The following TOP2B variants were observed in gnomAD, a reference collection of about 807,000 sequenced individuals.
TOP2B encodes the protein DNA topoisomerase II beta, also known as DNA topoisomerase 2-beta.
In TOP2B, 51 loss-of-function variants were observed where a neutral mutation model predicts 193.5. That is an observed-to-expected ratio of 0.26 (90% CI 0.21 to 0.33). The LOEUF (loss-of-function observed/expected upper bound fraction) is 0.33, where lower values mean the gene tolerates loss of function less well. TOP2B is among the 10% of genes least tolerant of loss of function. The pLI is 1.00. For missense variants in TOP2B, 1,378 were observed against 1,909.3 expected, an observed-to-expected ratio of 0.72 and a Z score of 5.19; for synonymous variants, 634 against 635.7, an observed-to-expected ratio of 1.00 and a Z score of 0.04.
rs376504098 is a variant in TOP2B, at chr3:25,652,768, C to G, written c.70-7298G>C. 4.0e-5 allele frequency among the ~76,000 whole-genome samples: 6 copies of G among 150,492 alleles called. No homozygotes were observed. In the East Asian group the frequency reaches 7.8e-4, roughly 20 times the overall value. On this transcript the variant is annotated intron_variant, in intron 1 of 35. Transcript: ENST00000264331. ...AAGAACTAGGAAAAGAGAAACTAAA[C>G]CAAATTAATGAAGGGAAATAAAGAT...
chr3:25,611,594 C>T (rs920078490), intron 28 of TOP2B, among the ~76,000 whole-genome samples: 9 of 152,156 alleles, frequency 5.9e-5, no homozygotes, highest in Non-Finnish European at 8.8e-5. Flanking sequence ...GACCAACATG[C>T]ACCCTGTTTC....
intron 1 of TOP2B, among the ~76,000 whole-genome samples, chr3:25,663,682 C>T (rs1703987127): frequency 6.6e-6 from 1 of 152,134 alleles, no homozygotes; most frequent in African/African-American, 2.4e-5. Flanking sequence ...AAAGTCATCC[C>T]CAATGCGCTC....
Position 25,598,088 on chromosome 3 carries a change from TCTA to T in TOP2B, c.*216_*218del. The T allele has an allele frequency of 2.6e-6, 1 of 378,818 alleles. No homozygotes were observed. The highest frequency in any genetic ancestry group is 4.7e-6 in the Non-Finnish European group (1 of 214,526). The allele number at this position is 378,818 out of a possible 1,614,324, so 23.5% of individuals were successfully genotyped here. A position where few individuals can be genotyped will look rare whatever the true frequency, so the allele number is the denominator to read the frequency against. On this transcript the variant is annotated 3_prime_UTR_variant, in exon 36 of 36. Transcript: ENST00000264331. ...CTAATGCACGGCAGTCTATAACAAT[TCTA>T]CAAGCCAATCAGACAGTACGTGACA... is the stretch of plus-strand genomic sequence containing the variant.
intron 25 of TOP2B, among the ~76,000 whole-genome samples, chr3:25,616,515 A>C (rs1702509207): frequency 6.6e-6 from 1 of 151,966 alleles, no homozygotes; most frequent in African/African-American, 2.4e-5. Context: ...AAAAATTAAA[A>C]CTGCAAAGCA....
chr3:25,603,609 A>C (rs1182513845), intron 33 of TOP2B, among the ~76,000 whole-genome samples: 9 of 152,132 alleles, frequency 5.9e-5, no homozygotes, highest in Non-Finnish European at 1.2e-4. Context: ...GATTTGGGCC[A>C]ATCTGCCTAA....
Position 25,623,530 on chromosome 3 carries a change from C to A in TOP2B, c.2712G>T (p.Leu904=). The A allele has an allele frequency of 6.2e-7, 1 of 1,613,760 alleles. No homozygotes were observed. Among genetic ancestry groups the A allele is most frequent in the Non-Finnish European group, 8.5e-7 (1 of 1,179,748 alleles). ...VNNVRRMLDG[L]DPHPMLPNYK... ...AAATAATTACCATGGGATGAGGATCCAGGCCATCTAGCATTCGTCTGACAT... is the reference window on the plus strand; with the variant it reads ...AAATAATTACCATGGGATGAGGATCAAGGCCATCTAGCATTCGTCTGACAT... The change falls in exon 21 of 36, where the codon CTG becomes CTT. Residue 904 remains leucine, a synonymous_variant. Transcript: ENST00000264331.
chr3:25,664,184 G>A, intron 1 of TOP2B, 45 bp downstream of exon 1: 1 of 1,537,200 alleles, frequency 6.5e-7, no homozygotes, highest in Non-Finnish European at 8.7e-7. Context: ...CCCCGCCGCG[G>A]GCCCGGAACA....
At chr3:25,635,671 G>A (rs1276519455) in intron 7 of TOP2B, among the ~76,000 whole-genome samples, 2 of 152,032 alleles carry the variant, frequency 1.3e-5, no homozygotes, top group Non-Finnish European at 2.9e-5. Flanking sequence ...AGTGGAAGTA[G>A]AGTGAATAAA....
chr3:25,609,716 C>T lies in TOP2B; in HGVS notation c.3787-4G>A, dbSNP rs2125351862. ...CTGCTGCAGTATCAAGATCACCCTA[C>T]ATAATAAAAAGAAAATCAAGCCACG... On this transcript the variant is annotated splice_region_variant and splice_polypyrimidine_tract_variant and intron_variant, in intron 28 of 35. Transcript: ENST00000264331. 7 of 1,435,490 alleles carry T rather than the reference C, an allele frequency of 4.9e-6. No individual in the cohort carries two copies. Among genetic ancestry groups the T allele is most frequent in the Middle Eastern group, 3.6e-4 (2 of 5,494 alleles). 88.9% of individuals were successfully genotyped at this position (1,435,490 alleles called of 1,614,324 possible).
chr3:25,618,093 A>G, intron 25 of TOP2B: 1 of 271,220 alleles, frequency 3.7e-6, no homozygotes, highest in Non-Finnish European at 7.0e-6. Flanking sequence ...GGTAATATAC[A>G]TGTACCTCAC....
chr3:25,627,800 T>C (rs1454888888), intron 15 of TOP2B, among the ~76,000 whole-genome samples: 14 of 151,802 alleles, frequency 9.2e-5, no homozygotes, highest in Non-Finnish European at 1.8e-4. Context: ...CCAAGCATGG[T>C]GGCTCATGCC....
At position 25,664,876 on chromosome 3, in the gene TOP2B, CT is replaced by C; in HGVS notation, c.-580del. Reference sequence around the variant, plus strand: ...CCGCCGCCGCCGCCGCCACGGTCACCTCCCTCTTGTCCGGCATAACACCGCA... The same window carrying C: ...CCGCCGCCGCCGCCGCCACGGTCACCCCCTCTTGTCCGGCATAACACCGCA... On this transcript the variant is annotated 5_prime_UTR_variant, in exon 1 of 36. It introduces an in-frame stop codon into an upstream open reading frame of the 5' UTR. Coordinates refer to ENST00000264331, the MANE Select transcript of TOP2B (RefSeq NM_001330700.2). 1.0e-6 allele frequency: 1 copy of C among 992,076 alleles called. No homozygotes were observed. The highest frequency in any genetic ancestry group is 1.2e-6 in the Non-Finnish European group (1 of 833,512). The allele number at this position is 992,076 out of a possible 1,614,324, so 61.5% of individuals were successfully genotyped here.
chr3:25,603,944 T>C (rs1702173946), intron 33 of TOP2B, among the ~76,000 whole-genome samples: 1 of 152,220 alleles, frequency 6.6e-6, no homozygotes, highest in African/African-American at 2.4e-5. Flanking sequence ...AGGCAGATAT[T>C]GCCCAATATG....
intron 1 of TOP2B, among the ~76,000 whole-genome samples, chr3:25,656,595 T>C (rs1703752862): frequency 6.6e-6 from 1 of 152,176 alleles, no homozygotes; most frequent in Admixed American, 6.5e-5. Flanking sequence ...AAATTTATAT[T>C]AGTAAAGATA....
chr3:25,629,853 G>A (rs993153474), intron 13 of TOP2B, among the ~76,000 whole-genome samples, 176 bp downstream of exon 13: 2 of 152,126 alleles, frequency 1.3e-5, no homozygotes, highest in African/African-American at 4.8e-5. Flanking sequence ...ATCAGACAAT[G>A]TAAAATGTGC....
intron 4 of TOP2B, among the ~76,000 whole-genome samples, chr3:25,640,165 A>G (rs1703216134): frequency 6.6e-6 from 1 of 152,208 alleles, no homozygotes; most frequent in South Asian, 2.1e-4. Flanking sequence ...AATAATACTA[A>G]TTCTATAGTA....
Position 25,601,189 on chromosome 3 carries a change from C to G in TOP2B, c.4526G>C (p.Arg1509Thr). Residue 1509 changes from arginine to threonine, a missense_variant, in exon 34 of 36, where the codon AGA becomes ACA. By Grantham distance (71) the Arg-to-Thr change is moderately conservative. Around this residue, in one of 9 missense-constraint regions of TOP2B, gnomAD observed 556 missense variants for 584.2 expected, o/e 0.95. Transcript: ENST00000264331. ...PSSDTVPKPK[R>T]APKQKKVVEA... ...TACTACTTTCTTCTGTTTTGGGGCT[C>G]TCTTGGGCTTAGGGACTGTATCTGA... The G allele has an allele frequency of 6.2e-7, 1 of 1,613,720 alleles. No individual in the cohort carries two copies. Among genetic ancestry groups the G allele is most frequent in the Non-Finnish European group, 8.5e-7 (1 of 1,179,728 alleles).
chr3:25,603,782 AAC>A (rs1463777634), intron 33 of TOP2B, among the ~76,000 whole-genome samples: 1 of 152,228 alleles, frequency 6.6e-6, no homozygotes, highest in Non-Finnish European at 1.5e-5. Context: ...CCCAGTGTGA[AAC>A]ACACATCCCA....
At chr3:25,653,336 T>C (rs1703648831) in intron 1 of TOP2B, among the ~76,000 whole-genome samples, 2 of 151,676 alleles carry the variant, frequency 1.3e-5, no homozygotes, top group Non-Finnish European at 1.5e-5. Flanking sequence ...TACAGAACAA[T>C]ACCCGTGATA....
Sources: allele counts gnomAD v4.1 joint callset (sites outside exome capture counted in the v4.1 genomes callset), GRCh38; gene constraint gnomAD v4.1.1; regional missense constraint gnomAD v4.1.1; transcripts MANE v1.5; gene names NCBI Gene and HGNC (gene_info 2026-07-23, HGNC 2026-07-21).